Variants in PCDHGB4 observed in about 807,000 individuals in gnomAD.
The protein encoded by PCDHGB4 is protocadherin gamma subfamily B, 4, also known as protocadherin gamma-B4.
PCDHGB4 carries 38 observed loss-of-function variants against 60.5 expected under a neutral mutation model. The observed-to-expected ratio is 0.63, with a 90% CI of 0.48 to 0.82. The LOEUF is 0.82. PCDHGB4 is among the 40% of genes least tolerant of loss of function. The pLI is 0.00. For missense variants in PCDHGB4, 1,109 were observed against 1,209.6 expected (o/e 0.92, Z 1.23); for synonymous variants, 456 against 509.7 (o/e 0.89, Z 1.42).
chr5:141,399,494 G>A, intron 1 of PCDHGB4: 1 of 1,614,032 alleles, frequency 6.2e-7, no homozygotes, highest in Non-Finnish European at 8.5e-7. Flanking sequence ...TACTTAGTCA[G>A]TGTACCCGAA....
rs1304361659 is a variant in PCDHGB4 at position 141,494,859 on chromosome 5, C to T, written c.2450C>T (p.Thr817Ile). 2 of 1,614,134 alleles carry T rather than the reference C, an allele frequency of 1.2e-6. No individual in the cohort carries two copies. The highest frequency in any genetic ancestry group is 8.5e-7 in the Non-Finnish European group (1 of 1,180,012). Reference protein sequence around the residue: ...WRFSQAQRPGTSGSQNGDDTG... With the variant: ...WRFSQAQRPGISGSQNGDDTG... Reference sequence around the variant, plus strand: ...TTCTCTCAGGCCCAGAGACCCGGCACCAGCGGGTAGGTGACTGATTCTCCA... The same window carrying T: ...TTCTCTCAGGCCCAGAGACCCGGCATCAGCGGGTAGGTGACTGATTCTCCA... Residue 817 changes from threonine to isoleucine, a missense_variant, in exon 2 of 4, where the codon ACC becomes ATC. By Grantham distance (89) the Thr-to-Ile change is moderately conservative. This residue lies in a region of PCDHGB4 where 1,068 missense variants were observed against 1,089.9 expected (regional missense o/e 0.98). Coordinates refer to ENST00000519479, the MANE Select transcript of PCDHGB4 (RefSeq NM_003736.4).
chr5:141,420,118 T>C (rs2096468123), intron 1 of PCDHGB4: 2 of 1,613,844 alleles, frequency 1.2e-6, no homozygotes, highest in Admixed American at 1.7e-5. Flanking sequence ...ATGCCTATAA[T>C]TTTTGTGTGC....
intron 2 of PCDHGB4, among the ~76,000 whole-genome samples, chr5:141,496,392 C>T (rs6879760): frequency 0.064 from 9,762 of 152,240 alleles, 510 homozygotes; most frequent in African/African-American, 0.15. Context: ...CCTTACCCTA[C>T]CTCCTCAATG....
chr5:141,497,740 C>G (rs954595046), intron 2 of PCDHGB4, among the ~76,000 whole-genome samples: 9 of 152,054 alleles, frequency 5.9e-5, no homozygotes, highest in African/African-American at 2.2e-4. Context: ...GGTTTCGCCA[C>G]GTTGGCCAGG....
In PCDHGB4 at chr5:141,390,196, T is replaced by C. The variant is rs1416526939; in HGVS notation, c.2312T>C (p.Leu771Ser). 1.2e-6 allele frequency: 2 copies of C among 1,613,930 alleles called. No homozygotes were observed. Among genetic ancestry groups the C allele is most frequent in the African/African-American group, 2.7e-5 (2 of 74,940 alleles). ...AATTTCCTAAAATGTAGTGAGCAGT[T>C]GAGTTCAGGACAAGACATACTTTGC... ...EFNFLKCSEQ[L>S]SSGQDILCGD... is the part of the protein sequence containing the mutation. The change falls in exon 1 of 4, where the codon TTG becomes TCG. Residue 771 changes from leucine (L) to serine (S), a missense_variant. Around this residue, in one of 2 missense-constraint regions of PCDHGB4, gnomAD observed 1,068 missense variants for 1,089.9 expected, o/e 0.98. Transcript: ENST00000519479.
intron 1 of PCDHGB4, chr5:141,404,062 T>G: frequency 6.2e-7 from 1 of 1,613,906 alleles, no homozygotes; most frequent in African/African-American, 1.3e-5. Flanking sequence ...TTCTTTTCAA[T>G]GCTCATGACC....
chr5:141,422,940 C>G, intron 1 of PCDHGB4: 3 of 1,614,242 alleles, frequency 1.9e-6, no homozygotes, highest in Non-Finnish European at 1.7e-6. Context: ...TCCCCACAGA[C>G]GGCTCCACTG....
intron 1 of PCDHGB4, among the ~76,000 whole-genome samples, chr5:141,433,747 G>A (rs566709728): frequency 1.3e-5 from 2 of 150,990 alleles, no homozygotes; most frequent in East Asian, 4.0e-4. Context: ...TGAGTCAGGA[G>A]AATTGCTTTA....
In PCDHGB4 at chr5:141,422,057, A is replaced by T. The variant is rs1356083259; in HGVS notation, c.2397+31776A>T. 3.1e-6 allele frequency: 5 copies of T among 1,611,974 alleles called. No individual in the cohort carries two copies. The South Asian group carries it at 5.5e-5, about 18-fold the overall frequency. On this transcript the variant is annotated intron_variant, in intron 1 of 3. Transcript: ENST00000519479. The stretch of plus-strand genomic sequence containing the variant: ...GATCCAGACGAGGGAATCAACGGGG[A>T]AGTAATGTATTCATTTCGGAACATG...
intron 1 of PCDHGB4, among the ~76,000 whole-genome samples, chr5:141,446,882 G>A (rs1419213225): frequency 1.3e-5 from 2 of 152,086 alleles, no homozygotes; most frequent in African/African-American, 4.8e-5. Flanking sequence ...TATGTTTTGG[G>A]GTTCATGGCT....
Position 141,491,905 on chromosome 5 carries a change from G to A in PCDHGB4, c.2398-2902G>A. 7.1e-7 allele frequency: 1 copy of A among 1,418,328 alleles called. No individual in the cohort carries two copies. Among genetic ancestry groups the A allele is most frequent in the Non-Finnish European group, 9.3e-7 (1 of 1,069,952 alleles). 87.9% of individuals were successfully genotyped at this position (1,418,328 alleles called of 1,614,324 possible). ...GATGGGGCTCCGAGCACCGGGGGTG[G>A]TGGCGACTGTGGGCGAGGGGAGGTG... On this transcript the variant is annotated intron_variant, in intron 1 of 3. Transcript: ENST00000519479. This position sits in a 1 kb window ranked among gnomAD's most constrained non-coding sequence, Gnocchi z 6.9.
chr5:141,467,993 C>A (rs984508296), intron 1 of PCDHGB4, among the ~76,000 whole-genome samples: 1 of 152,058 alleles, frequency 6.6e-6, no homozygotes, highest in Admixed American at 6.6e-5. Context: ...AACCACAATT[C>A]TTTCTTCCTC....
At chr5:141,421,613 A>G in intron 1 of PCDHGB4, 2 of 1,613,838 alleles carry the variant, frequency 1.2e-6, no homozygotes, top group South Asian at 2.2e-5. Flanking sequence ...GATATTAATG[A>G]TAACGCCCCC....
At position 141,490,487 on chromosome 5, in the gene PCDHGB4, C is replaced by T. The variant is rs1398601464; in HGVS notation, c.2398-4320C>T. Reference sequence around the variant, plus strand: ...ACCAGCCAGCCTTTGGACCGGGAGGCCACATCCCACTATATCATCGAGCTG... The same window carrying T: ...ACCAGCCAGCCTTTGGACCGGGAGGTCACATCCCACTATATCATCGAGCTG... On this transcript the variant is annotated intron_variant, in intron 1 of 3. Coordinates refer to ENST00000519479, the MANE Select transcript of PCDHGB4 (RefSeq NM_003736.4). This position sits in a 1 kb window ranked among gnomAD's most constrained non-coding sequence, Gnocchi z 5.4. 4 of 1,614,000 alleles carry T rather than the reference C, an allele frequency of 2.5e-6. No homozygotes were observed. The highest frequency in any genetic ancestry group is 1.7e-5 in the Admixed American group (1 of 59,996).
intron 1 of PCDHGB4, chr5:141,395,099 C>T: frequency 6.2e-7 from 1 of 1,614,228 alleles, no homozygotes; most frequent in Non-Finnish European, 8.5e-7. Flanking sequence ...TCACCGCCGA[C>T]TCGCGGAAGA....
chr5:141,399,252 TG>T, intron 1 of PCDHGB4: 1 of 1,613,778 alleles, frequency 6.2e-7, no homozygotes, highest in Non-Finnish European at 8.5e-7. Context: ...CTGGGGAAAA[TG>T]GGGAGGTTAA....
intron 2 of PCDHGB4, among the ~76,000 whole-genome samples, chr5:141,495,758 C>T (rs2099763543): frequency 6.6e-6 from 1 of 152,122 alleles, no homozygotes; most frequent in Non-Finnish European, 1.5e-5. Flanking sequence ...ATCTCTGCCT[C>T]CCTGTCCTTG....
intron 1 of PCDHGB4, chr5:141,394,748 C>A: frequency 6.2e-7 from 1 of 1,613,414 alleles, no homozygotes. Flanking sequence ...TCGTGGTGGC[C>A]GTCCAGGACC....
intron 1 of PCDHGB4, among the ~76,000 whole-genome samples, chr5:141,467,809 C>T (rs1026263094): frequency 6.6e-6 from 1 of 152,056 alleles, no homozygotes. Flanking sequence ...CAGGCACATG[C>T]CACCACACCA....
Sources: allele counts gnomAD v4.1 joint callset (sites outside exome capture counted in the v4.1 genomes callset), GRCh38; gene constraint gnomAD v4.1.1; regional missense constraint gnomAD v4.1.1; non-coding constraint Gnocchi (gnomAD v3.1); transcripts MANE v1.5; gene names NCBI Gene and HGNC (gene_info 2026-07-23, HGNC 2026-07-21).